The following FRMD3 variants were observed in gnomAD, a reference collection of about 807,000 sequenced individuals.
FRMD3 encodes the protein FERM domain-containing protein 3.
A neutral mutation model predicts 70.2 loss-of-function variants in FRMD3; 33 were observed. That is an observed-to-expected ratio of 0.47 (90% CI 0.36 to 0.63). FRMD3 has a LOEUF of 0.63. Among genes scored for constraint, FRMD3 ranks in the 20% least tolerant of loss-of-function variants. The pLI is 0.00. For missense variants in FRMD3, 632 were observed against 711.4 expected (o/e 0.89, Z 1.27); for synonymous variants, 279 against 255.9 (o/e 1.09, Z -0.86).
chr9:83,538,301 G>T lies in FRMD3; in HGVS notation c.-70C>A. 2 of 1,474,492 alleles carry T rather than the reference G, an allele frequency of 1.4e-6. No homozygotes were observed. Among genetic ancestry groups the T allele is most frequent in the South Asian group, 1.3e-5 (1 of 77,236 alleles). 91.3% of individuals were successfully genotyped at this position (1,474,492 alleles called of 1,614,324 possible). ...GGTGCTCGCCTGCGCGGACACACAC[G>T]CTCGCACGCACTGTCCGGGACACCT... On this transcript the variant is annotated 5_prime_UTR_variant, in exon 1 of 14. Coordinates refer to ENST00000304195, the MANE Select transcript of FRMD3 (RefSeq NM_174938.6). This position sits in a 1 kb window ranked among gnomAD's most constrained non-coding sequence, Gnocchi z 4.7.
chr9:83,273,493 C>G (rs907685748), intron 13 of FRMD3, among the ~76,000 whole-genome samples: 1 of 151,672 alleles, frequency 6.6e-6, no homozygotes, highest in Non-Finnish European at 1.5e-5. Flanking sequence ...ACAAACACTG[C>G]GGAAGGCCGC....
intron 2 of FRMD3, among the ~76,000 whole-genome samples, chr9:83,378,325 A>G (rs906408279): frequency 6.9e-6 from 1 of 145,858 alleles, no homozygotes; most frequent in African/African-American, 2.5e-5. Context: ...CAGTGGCACA[A>G]TCTCAGCTCA....
chr9:83,265,859 A>G (rs1308371448), intron 13 of FRMD3, among the ~76,000 whole-genome samples: 1 of 152,182 alleles, frequency 6.6e-6, no homozygotes, highest in Non-Finnish European at 1.5e-5. Context: ...CTTCAACCCA[A>G]CAATTATACT....
intron 1 of FRMD3, among the ~76,000 whole-genome samples, chr9:83,493,165 C>A (rs754619649): frequency 1.8e-4 from 28 of 152,152 alleles, no homozygotes; most frequent in Non-Finnish European, 3.2e-4. Context: ...CATCTCCTTA[C>A]AGTCCCAGGA....
chr9:83,452,734 G>C (rs759887937), intron 1 of FRMD3, among the ~76,000 whole-genome samples: 1 of 151,912 alleles, frequency 6.6e-6, no homozygotes, highest in South Asian at 2.1e-4. Flanking sequence ...CGCCCGTCTC[G>C]GCCTCCCAAA....
chr9:83,572,648 G>A, the FRMD3 span, among the ~76,000 whole-genome samples: 30 of 152,196 alleles, frequency 2.0e-4, no homozygotes, highest in Non-Finnish European at 2.9e-5. Context: ...TTCTTGGGGT[G>A]AGTGGTCAGG....
intron 3 of FRMD3, among the ~76,000 whole-genome samples, chr9:83,356,270 C>CCTTTTTTTTTTTTT (rs1824332411): frequency 8.7e-6 from 1 of 114,922 alleles, no homozygotes; most frequent in African/African-American, 3.5e-5. Context: ...CACTCAGCAG[C>CCTTTTTTTTTTTTT]ATTTTTTTTT....
intron 1 of FRMD3, among the ~76,000 whole-genome samples, chr9:83,498,997 C>T (rs147484307): frequency 1.3e-5 from 2 of 152,212 alleles, no homozygotes; most frequent in South Asian, 2.1e-4. Flanking sequence ...TTACCTCTAA[C>T]GTGGCAATAT....
chr9:83,551,480 C>A, the FRMD3 span, among the ~76,000 whole-genome samples: 1 of 152,142 alleles, frequency 6.6e-6, no homozygotes, highest in African/African-American at 2.4e-5. Flanking sequence ...CAAAATGACA[C>A]TGGCCTCACA....
At chr9:83,335,420 C>T in intron 6 of FRMD3, 96 bp downstream of exon 6, 1 of 1,327,708 alleles carries the variant, frequency 7.5e-7, no homozygotes, top group Admixed American at 2.0e-5. Context: ...CCATACATTA[C>T]AAATATTCCT....
chr9:83,365,701 T>C (rs1824763443), intron 3 of FRMD3, among the ~76,000 whole-genome samples: 1 of 152,166 alleles, frequency 6.6e-6, no homozygotes, highest in Non-Finnish European at 1.5e-5. Context: ...CCCAGGGTAG[T>C]TGCAGGAAAC....
intron 1 of FRMD3, among the ~76,000 whole-genome samples, chr9:83,479,731 G>A (rs1232227747): frequency 5.1e-5 from 2 of 39,246 alleles, no homozygotes; most frequent in African/African-American, 1.6e-4. Flanking sequence ...AAAAGAAAGG[G>A]AAAGAAAGAA....
chr9:83,545,609 G>A, the FRMD3 span, among the ~76,000 whole-genome samples: 12 of 151,750 alleles, frequency 7.9e-5, no homozygotes, highest in Non-Finnish European at 1.5e-4. Flanking sequence ...TGCCCCCCTC[G>A]GCCTCCCAAA....
At chr9:83,351,018 A>G in intron 3 of FRMD3, 1 of 968,776 alleles carries the variant, frequency 1.0e-6, no homozygotes, top group Non-Finnish European at 1.2e-6. Context: ...CTGTATCAGT[A>G]AAGCTACTTG....
At chr9:83,503,175 C>T (rs1009728024) in intron 1 of FRMD3, among the ~76,000 whole-genome samples, 2 of 152,144 alleles carry the variant, frequency 1.3e-5, no homozygotes, top group African/African-American at 4.8e-5. Context: ...TGCTATGTTG[C>T]ATGGCACAGT....
intron 13 of FRMD3, among the ~76,000 whole-genome samples, chr9:83,258,096 G>A (rs898844536): frequency 6.6e-6 from 1 of 152,186 alleles, no homozygotes; most frequent in Admixed American, 6.5e-5. Context: ...GTACAGTCAA[G>A]CAGGTTGGAC....
At chr9:83,280,556 T>G (rs1563991594) in intron 13 of FRMD3, among the ~76,000 whole-genome samples, 1 of 152,240 alleles carries the variant, frequency 6.6e-6, no homozygotes, top group Non-Finnish European at 1.5e-5. Flanking sequence ...GGCTTTGGCA[T>G]GAACAGAGAT....
the FRMD3 span, among the ~76,000 whole-genome samples, chr9:83,555,057 T>C: frequency 4.3e-3 from 656 of 152,276 alleles, 5 homozygotes; most frequent in African/African-American, 0.015. Context: ...AAGAAATGGC[T>C]GCAGACCCCA....
At chr9:83,539,297 C>G (rs1214837532), upstream of FRMD3, among the ~76,000 whole-genome samples, 2 of 152,228 alleles carry the variant, frequency 1.3e-5, no homozygotes, top group Non-Finnish European at 2.9e-5. Context: ...TCCTGCCTCT[C>G]TGTTGTCCCC....
Sources: gnomAD v4.1 joint callset for allele counts (sites outside exome capture counted in the v4.1 genomes callset) on GRCh38, gnomAD v4.1.1 for gene constraint, Gnocchi (gnomAD v3.1) non-coding constraint, MANE v1.5 for transcripts, NCBI Gene and HGNC (gene_info 2026-07-23, HGNC 2026-07-21) for gene names.